The following ZC3H12B variants were observed in gnomAD, a reference collection of about 807,000 sequenced individuals.
ZC3H12B encodes the protein probable ribonuclease ZC3H12B.
Under a neutral mutation model 43.9 loss-of-function variants are expected in ZC3H12B, and 7 were observed. The observed-to-expected ratio is 0.16, with a 90% CI of 0.09 to 0.30. ZC3H12B has a LOEUF of 0.30. ZC3H12B is among the 10% of genes least tolerant of loss of function. The pLI, the probability that ZC3H12B is intolerant of heterozygous loss-of-function variation, is 1.00. For synonymous variants in ZC3H12B, 222 were observed against 241.7 expected (o/e 0.92, Z 0.76); for missense variants, 475 against 670.2 (o/e 0.71, Z 3.22).
At chrX:65,197,074 C>T in the ZC3H12B span, among the ~76,000 whole-genome samples, 1 of 111,726 alleles carries the variant, frequency 9.0e-6, no homozygotes, top group East Asian at 2.8e-4. Flanking sequence ...CAGCAAGTGC[C>T]CCCAGGAACT....
At chrX:65,159,150 G>T in the ZC3H12B span, among the ~76,000 whole-genome samples, 5 of 111,946 alleles carry the variant, frequency 4.5e-5, no homozygotes, top group Admixed American at 3.8e-4. Context: ...TTTGGTACCA[G>T]TACCATGCTG....
intron 3 of ZC3H12B, among the ~76,000 whole-genome samples, chrX:65,419,839 A>T (rs999075114): frequency 6.3e-5 from 7 of 111,395 alleles, no homozygotes; most frequent in Non-Finnish European, 1.3e-4. Flanking sequence ...CCCAATGTAG[A>T]TCAAGACTCC....
chrX:65,224,924 G>A, the ZC3H12B span, among the ~76,000 whole-genome samples: 2 of 112,217 alleles, frequency 1.8e-5, no homozygotes, highest in Non-Finnish European at 3.8e-5. Flanking sequence ...GCCTGCCTCT[G>A]TAGGCTCCAA....
the ZC3H12B span, among the ~76,000 whole-genome samples, chrX:65,101,882 A>G: frequency 4.8e-3 from 539 of 112,537 alleles, 4 homozygotes; most frequent in African/African-American, 0.016. Flanking sequence ...AACTCATTTT[A>G]TGAGGCCAGC....
At chrX:65,151,807 A>G in the ZC3H12B span, among the ~76,000 whole-genome samples, 1 of 111,739 alleles carries the variant, frequency 8.9e-6, no homozygotes, top group Non-Finnish European at 1.9e-5. Flanking sequence ...AATATCCTTG[A>G]TGAACATTGA....
chrX:65,475,105 C>T (rs2067974981), intron 3 of ZC3H12B, among the ~76,000 whole-genome samples: 1 of 112,038 alleles, frequency 8.9e-6, no homozygotes, highest in Non-Finnish European at 1.9e-5. Flanking sequence ...TTTTACATCC[C>T]CCCCACACAC....
the ZC3H12B span, among the ~76,000 whole-genome samples, chrX:65,130,944 C>T: frequency 4.5e-5 from 5 of 112,074 alleles, no homozygotes; most frequent in Non-Finnish European, 9.4e-5. Flanking sequence ...TGAATGACTC[C>T]AGCTTCCTTT....
chrX:65,127,830 C>T, the ZC3H12B span, among the ~76,000 whole-genome samples: 5 of 110,862 alleles, frequency 4.5e-5, no homozygotes, highest in African/African-American at 1.6e-4. Context: ...GGCCTCACCC[C>T]CCTCCCACAC....
the ZC3H12B span, among the ~76,000 whole-genome samples, chrX:65,062,604 G>T: frequency 3.4e-4 from 38 of 111,905 alleles, no homozygotes; most frequent in African/African-American, 1.2e-3. Flanking sequence ...GATACCTCCA[G>T]CTTTGTTCTT....
intron 2 of ZC3H12B, among the ~76,000 whole-genome samples, chrX:65,374,127 TAGTGTATATATAACTATATATAC>T (rs1219346778): frequency 8.0e-5 from 6 of 75,461 alleles, no homozygotes; most frequent in Non-Finnish European, 1.2e-4. Flanking sequence ...TAACTATATA[TAGTGTATATATAACTATATATAC>T]AGTGTATATA....
chrX:65,159,180 G>A, the ZC3H12B span, among the ~76,000 whole-genome samples: 4 of 111,923 alleles, frequency 3.6e-5, no homozygotes, highest in Non-Finnish European at 5.6e-5. Context: ...CTGTAGCCTC[G>A]TAGTATAATT....
the ZC3H12B span, among the ~76,000 whole-genome samples, chrX:65,230,912 T>C: frequency 8.9e-6 from 1 of 112,166 alleles, no homozygotes; most frequent in Non-Finnish European, 1.9e-5. Context: ...TTTTGGTGTG[T>C]CAACCACTTC....
At chrX:65,066,986 C>A in the ZC3H12B span, among the ~76,000 whole-genome samples, 1 of 111,453 alleles carries the variant, frequency 9.0e-6, no homozygotes. Flanking sequence ...AGATGCCCCT[C>A]GCCCAACCAA....
chrX:65,053,277 G>A, the ZC3H12B span, among the ~76,000 whole-genome samples: 4 of 110,381 alleles, frequency 3.6e-5, no homozygotes, highest in Non-Finnish European at 7.6e-5. Context: ...CCCGCAACAG[G>A]CCCCAGGGTG....
intron 3 of ZC3H12B, among the ~76,000 whole-genome samples, chrX:65,466,395 T>G (rs1205285165): frequency 9.1e-6 from 1 of 110,251 alleles, no homozygotes; most frequent in Non-Finnish European, 1.9e-5. Flanking sequence ...TCTCTCACAT[T>G]ATCTATATAT....
At chrX:65,101,884 G>T in the ZC3H12B span, among the ~76,000 whole-genome samples, 1 of 112,312 alleles carries the variant, frequency 8.9e-6, no homozygotes, top group Admixed American at 9.4e-5. Context: ...CTCATTTTAT[G>T]AGGCCAGCAT....
At chrX:65,480,406 G>A (rs1207926613) in intron 3 of ZC3H12B, among the ~76,000 whole-genome samples, 2 of 112,342 alleles carry the variant, frequency 1.8e-5, no homozygotes, top group African/African-American at 3.2e-5. Context: ...GATAATCAAT[G>A]ACTCACAAGA....
chrX:65,257,607 A>T, the ZC3H12B span, among the ~76,000 whole-genome samples: 1 of 111,202 alleles, frequency 9.0e-6, no homozygotes, highest in Admixed American at 9.6e-5. Flanking sequence ...ATAATAATAA[A>T]AAAAGAGAAC....
the ZC3H12B span, among the ~76,000 whole-genome samples, chrX:65,131,917 G>C: frequency 9.0e-6 from 1 of 111,331 alleles, no homozygotes; most frequent in African/African-American, 3.3e-5. Context: ...TAAAGTAGAA[G>C]GTCATCGATA....
Sources: gnomAD v4.1 joint callset for allele counts (sites outside exome capture counted in the v4.1 genomes callset) on GRCh38, gnomAD v4.1.1 for gene constraint, MANE v1.5 for transcripts, NCBI Gene and HGNC (gene_info 2026-07-23, HGNC 2026-07-21) for gene names.